IQSEC2: variants seen among roughly 807,000 people sequenced by gnomAD.
The protein encoded by IQSEC2 is IQ motif and SEC7 domain-containing protein 2.
A neutral mutation model predicts 74.6 loss-of-function variants in IQSEC2; 6 were observed. The ratio of observed to expected loss-of-function variants is 0.08; its 90% confidence interval spans 0.04 to 0.16. IQSEC2 has a LOEUF of 0.16. Among genes scored for constraint, IQSEC2 ranks in the 10% least tolerant of loss-of-function variants. IQSEC2 has a pLI of 1.00. For missense variants in IQSEC2, 734 were observed against 1,306.2 expected (o/e 0.56, Z 6.75); for synonymous variants, 494 against 544.5 (o/e 0.91, Z 1.29).
In IQSEC2 at chrX:53,241,769, C is replaced by T. The variant is rs782193079; in HGVS notation, c.3015+15G>A. The T allele has an allele frequency of 8.3e-7, 1 of 1,211,177 alleles. No homozygotes were observed. The highest frequency in any genetic ancestry group is 2.2e-5 in the Admixed American group (1 of 46,032). ...CACTCTCTCCCTCCCATCTCCTCCC[C>T]CACAGTGCTCATACCACAAGGAGAT... On this transcript the variant is annotated intron_variant, in intron 10 of 14. Transcript: ENST00000642864.
chrX:53,317,243 G>A (rs1219503998), intron 1 of IQSEC2, among the ~76,000 whole-genome samples: 4 of 111,620 alleles, frequency 3.6e-5, no homozygotes, highest in Admixed American at 1.9e-4. Context: ...CAAAACCTTC[G>A]CGTACAGAGG....
intron 2 of IQSEC2, among the ~76,000 whole-genome samples, chrX:53,286,518 G>A (rs2075026973): frequency 9.0e-6 from 1 of 111,731 alleles, no homozygotes; most frequent in African/African-American, 3.3e-5. Flanking sequence ...ACAGGCTGGA[G>A]GATCACTGCA....
chrX:53,317,929 C>T (rs1374086792), intron 1 of IQSEC2, among the ~76,000 whole-genome samples: 2 of 111,939 alleles, frequency 1.8e-5, no homozygotes, highest in East Asian at 2.8e-4. Flanking sequence ...TCTTCCCTGC[C>T]GCTGTCAACT....
chrX:53,305,547 C>G (rs782797708), intron 1 of IQSEC2, among the ~76,000 whole-genome samples: 1 of 111,838 alleles, frequency 8.9e-6, no homozygotes, highest in East Asian at 2.8e-4. Flanking sequence ...CAGTGGTCCA[C>G]AGTTGTACCT....
chrX:53,301,732 G>C (rs1026179156), intron 1 of IQSEC2, among the ~76,000 whole-genome samples: 2 of 111,752 alleles, frequency 1.8e-5, no homozygotes, highest in African/African-American at 3.3e-5. Flanking sequence ...CTGGTAACTT[G>C]CTTGGGCCCT....
chrX:53,232,126 T>TG (rs1175853511), downstream of IQSEC2, among the ~76,000 whole-genome samples: 6 of 111,739 alleles, frequency 5.4e-5, no homozygotes, highest in African/African-American at 2.0e-4. Context: ...GGAAGAGGTT[T>TG]GGGAGGACTG....
chrX:53,292,981 G>A (rs782397677), intron 1 of IQSEC2, among the ~76,000 whole-genome samples: 49 of 112,094 alleles, frequency 4.4e-4, no homozygotes, highest in African/African-American at 1.4e-3. Context: ...CTCATGCTGC[G>A]AAGGAGACAG....
downstream of IQSEC2, chrX:53,228,861 A>T (rs1556858061): frequency 8.9e-6 from 1 of 112,183 alleles, no homozygotes; most frequent in Non-Finnish European, 1.9e-5. Context: ...AGAAATATAG[A>T]TGTATAGTAT....
chrX:53,247,627 T>C lies in IQSEC2; in HGVS notation c.2582+487A>G, dbSNP rs1265483822. 6.2e-5 allele frequency among the ~76,000 whole-genome samples: 7 copies of C among 112,292 alleles called. No individual in the cohort carries two copies. The East Asian group carries it at 2.0e-3, about 31-fold the overall frequency. On this transcript the variant is annotated intron_variant, in intron 7 of 14. Transcript: ENST00000642864. ...TATCTGATCTCCAAAGCATTTATAG[T>C]ACAGTAAAATGGTTAAGGGCATGGA... is the stretch of plus-strand genomic sequence containing the variant.
At chrX:53,295,019 C>T (rs894607677) in intron 1 of IQSEC2, among the ~76,000 whole-genome samples, 16 of 110,893 alleles carry the variant, frequency 1.4e-4, no homozygotes, top group African/African-American at 4.9e-4. Context: ...GACAGGGTTT[C>T]GCCATGTTGG....
intron 2 of IQSEC2, among the ~76,000 whole-genome samples, chrX:53,280,029 G>A (rs1236084020): frequency 5.5e-5 from 6 of 109,321 alleles, no homozygotes; most frequent in Non-Finnish European, 9.5e-5. Context: ...AGAACACAAC[G>A]ACAACAGGGG....
intron 2 of IQSEC2, among the ~76,000 whole-genome samples, chrX:53,276,804 T>A (rs2147232925): frequency 8.9e-6 from 1 of 112,635 alleles, no homozygotes; most frequent in South Asian, 3.7e-4. Flanking sequence ...TTTAATCAGA[T>A]CACTTTTCAG....
intron 1 of IQSEC2, among the ~76,000 whole-genome samples, chrX:53,305,967 G>C (rs2075257751): frequency 2.7e-5 from 3 of 112,530 alleles, no homozygotes; most frequent in African/African-American, 9.7e-5. Context: ...AGGTATTGTA[G>C]CACAGATCAG....
rs2074224771 is a variant in IQSEC2 at position 53,241,712 on chromosome X, A to G, written c.3015+72T>C. The stretch of plus-strand genomic sequence containing the variant: ...CTCCACACACCACACACCTACATCA[A>G]TATGGTTCACACCAGACTTAGGTGT... On this transcript the variant is annotated intron_variant, in intron 10 of 14. Transcript: ENST00000642864. 2.7e-5 allele frequency: 32 copies of G among 1,175,165 alleles called. No homozygotes were observed. The South Asian group carries it at 5.1e-4, about 19-fold the overall frequency.
chrX:53,244,086 C>A (rs1196038701), intron 8 of IQSEC2, among the ~76,000 whole-genome samples: 1 of 109,822 alleles, frequency 9.1e-6, no homozygotes, highest in Non-Finnish European at 1.9e-5. Context: ...AGGCATGGCA[C>A]CATGTGCCTG....
chrX:53,310,240 C>T (rs1556877712), intron 1 of IQSEC2, among the ~76,000 whole-genome samples: 1 of 110,138 alleles, frequency 9.1e-6, no homozygotes, highest in Admixed American at 9.8e-5. Context: ...AAAAATTAGC[C>T]GGTCATGGTA....
intron 2 of IQSEC2, among the ~76,000 whole-genome samples, chrX:53,258,432 G>A (rs145623062): frequency 1.8e-3 from 203 of 111,879 alleles, no homozygotes; most frequent in Non-Finnish European, 3.2e-3. Context: ...AAAAGCTGCC[G>A]TCCAGAGGGA....
At position 53,236,383 on chromosome X, in the gene IQSEC2, C is replaced by T. The variant is rs781835382; in HGVS notation, c.3390G>A (p.Gly1130=). The T allele has an allele frequency of 2.5e-6, 3 of 1,207,453 alleles. No homozygotes were observed. The Admixed American group carries it at 6.6e-5, about 26-fold the overall frequency. Residue 1130 remains glycine (G), a synonymous_variant, in exon 13 of 15, where the codon GGG becomes GGA. Coordinates refer to ENST00000642864, the MANE Select transcript of IQSEC2 (RefSeq NM_001111125.3). ...CGCCCCGTTTGAGCCCATCGCCTGCCCCGTAAGTGTCCTCCAGGCTACTGC... is the reference window on the plus strand; with the variant it reads ...CGCCCCGTTTGAGCCCATCGCCTGCTCCGTAAGTGTCCTCCAGGCTACTGC... ...MARSSLEDTY[G]AGDGLKRGAL... is the part of the protein sequence containing the mutation.
At chrX:53,275,729 T>C (rs1291735992) in intron 2 of IQSEC2, among the ~76,000 whole-genome samples, 5 of 70,870 alleles carry the variant, frequency 7.1e-5, no homozygotes, top group Non-Finnish European at 1.2e-4. Context: ...GCCCTCATTC[T>C]TTTTTTTTTT....
Sources: allele counts gnomAD v4.1 joint callset (sites outside exome capture counted in the v4.1 genomes callset), GRCh38; gene constraint gnomAD v4.1.1; transcripts MANE v1.5; gene names NCBI Gene and HGNC (gene_info 2026-07-23, HGNC 2026-07-21).